Variants in PDGFRL observed in about 807,000 individuals in gnomAD.
PDGFRL encodes platelet-derived growth factor receptor-like protein.
Under a neutral mutation model 37.2 loss-of-function variants are expected in PDGFRL, and 46 were observed. That is an observed-to-expected ratio of 1.24 (90% CI 0.98 to 1.58). The LOEUF (loss-of-function observed/expected upper bound fraction) is 1.58. Ranked by LOEUF, PDGFRL falls within the 40% of genes most tolerant of loss-of-function variation. PDGFRL has a pLI of 0.00. For synonymous variants in PDGFRL, 251 were observed against 184.3 expected (o/e 1.36, Z -2.93); for missense variants, 692 against 467.6 (o/e 1.48, Z -4.43).
rs148177101 is a variant in PDGFRL at position 17,642,825 on chromosome 8, C to A, written c.*24C>A. 1 of 1,497,848 alleles carries A rather than the reference C, an allele frequency of 6.7e-7. No homozygotes were observed. The highest frequency in any genetic ancestry group is 1.7e-5 in the Admixed American group (1 of 58,554). 92.8% of individuals were successfully genotyped at this position (1,497,848 alleles called of 1,614,324 possible). On this transcript the variant is annotated 3_prime_UTR_variant, in exon 6 of 6. Coordinates refer to ENST00000251630, the MANE Select transcript of PDGFRL (RefSeq NM_001372073.1). ...GACTTGGAAAAGGAAATGTAATGAACTTATGGAAAGCCCATTTGTGTACAC... is the reference window on the plus strand; with the variant it reads ...GACTTGGAAAAGGAAATGTAATGAAATTATGGAAAGCCCATTTGTGTACAC...
chr8:17,580,013 A>G (rs6985221), intron 1 of PDGFRL, among the ~76,000 whole-genome samples: 42,277 of 152,076 alleles, frequency 0.28, 6,201 homozygotes, highest in Middle Eastern at 0.39. Flanking sequence ...AAAATCACAA[A>G]TATTTCCTGA....
intron 2 of PDGFRL, among the ~76,000 whole-genome samples, chr8:17,596,749 T>C (rs955310008): frequency 3.5e-5 from 5 of 143,558 alleles, no homozygotes; most frequent in African/African-American, 9.0e-5. Flanking sequence ...CAAAAACTTA[T>C]GAAACATTGT....
chr8:17,612,254 T>G (rs1804433949), intron 2 of PDGFRL, among the ~76,000 whole-genome samples: 1 of 152,260 alleles, frequency 6.6e-6, no homozygotes, highest in Non-Finnish European at 1.5e-5. Flanking sequence ...CCCTTGTGCT[T>G]ACGCATTTAT....
chr8:17,622,634 G>A (rs1339550809), intron 3 of PDGFRL, among the ~76,000 whole-genome samples: 1 of 152,152 alleles, frequency 6.6e-6, no homozygotes, highest in Non-Finnish European at 1.5e-5. Context: ...CCAAGTTCTT[G>A]TCTCATGCCA....
chr8:17,618,298 C>A (rs964259804), intron 2 of PDGFRL, among the ~76,000 whole-genome samples: 1 of 152,296 alleles, frequency 6.6e-6, no homozygotes, highest in African/African-American at 2.4e-5. Context: ...TCAAGCGATC[C>A]TCCTGCCTCA....
intron 1 of PDGFRL, among the ~76,000 whole-genome samples, chr8:17,585,700 C>G (rs990505537): frequency 2.0e-5 from 3 of 152,108 alleles, no homozygotes; most frequent in South Asian, 2.1e-4. Flanking sequence ...CCCAACAGCT[C>G]TAGCGCTTTG....
chr8:17,605,220 A>G (rs34316031), intron 2 of PDGFRL, among the ~76,000 whole-genome samples: 150,926 of 152,274 alleles, frequency 0.99, 74,807 homozygotes, highest in Middle Eastern at 1. Flanking sequence ...TGTGAGGGTT[A>G]GCCGTCCTCA....
chr8:17,616,111 T>C (rs1405152947), intron 2 of PDGFRL, among the ~76,000 whole-genome samples: 1 of 152,196 alleles, frequency 6.6e-6, no homozygotes, highest in African/African-American at 2.4e-5. Flanking sequence ...ATGGTGGAGC[T>C]GGGATTTGAA....
intron 2 of PDGFRL, among the ~76,000 whole-genome samples, chr8:17,606,202 A>G (rs1272586801): frequency 2.0e-5 from 3 of 151,832 alleles, no homozygotes; most frequent in East Asian, 1.9e-4. Context: ...AATAATTTAT[A>G]TTTTTCGAAA....
chr8:17,618,865 A>G (rs1212436271), intron 2 of PDGFRL, among the ~76,000 whole-genome samples: 1 of 152,008 alleles, frequency 6.6e-6, no homozygotes, highest in Non-Finnish European at 1.5e-5. Context: ...GGTAGAGAAC[A>G]AGGAAGTCAA....
At chr8:17,598,828 G>A (rs938919547) in intron 2 of PDGFRL, among the ~76,000 whole-genome samples, 11 of 152,076 alleles carry the variant, frequency 7.2e-5, no homozygotes, top group African/African-American at 2.7e-4. Context: ...TACGTCTCAC[G>A]AGATCACATG....
At chr8:17,600,557 G>A (rs1377338541) in intron 2 of PDGFRL, among the ~76,000 whole-genome samples, 1 of 151,922 alleles carries the variant, frequency 6.6e-6, no homozygotes, top group Admixed American at 6.6e-5. Flanking sequence ...CCTAGCAACA[G>A]GGGAGGCCAA....
intron 2 of PDGFRL, among the ~76,000 whole-genome samples, chr8:17,593,896 AAAAAG>A (rs1449955048): frequency 3.3e-5 from 5 of 151,736 alleles, no homozygotes; most frequent in Middle Eastern, 3.4e-3. Flanking sequence ...CTCAAAAAAA[AAAAAG>A]AAAAAAAAAG....
chr8:17,642,077 C>T (rs1805128257), intron 5 of PDGFRL, among the ~76,000 whole-genome samples: 1 of 152,092 alleles, frequency 6.6e-6, no homozygotes, highest in African/African-American at 2.4e-5. Context: ...TTATCTTACC[C>T]ATCCTTGGTA....
chr8:17,630,162 GTCTT>G (rs916519101), intron 4 of PDGFRL, among the ~76,000 whole-genome samples: 1 of 152,100 alleles, frequency 6.6e-6, no homozygotes, highest in African/African-American at 2.4e-5. Context: ...ATTTTGTCCC[GTCTT>G]TCTTCTGTTT....
At chr8:17,602,025 C>T (rs567760458) in intron 2 of PDGFRL, among the ~76,000 whole-genome samples, 2 of 152,226 alleles carry the variant, frequency 1.3e-5, no homozygotes, top group African/African-American at 4.8e-5. Flanking sequence ...CTAAGTTCTT[C>T]AAGAAATATC....
chr8:17,595,154 C>A (rs1180344914), intron 2 of PDGFRL, among the ~76,000 whole-genome samples: 3 of 152,120 alleles, frequency 2.0e-5, no homozygotes, highest in Admixed American at 6.5e-5. Flanking sequence ...GCCCCACATG[C>A]CCAGAGCAAG....
chr8:17,623,120 G>A (rs1349194302), intron 3 of PDGFRL, among the ~76,000 whole-genome samples: 2 of 152,196 alleles, frequency 1.3e-5, no homozygotes, highest in Non-Finnish European at 2.9e-5. Flanking sequence ...AATACTAGAA[G>A]TACTAATGCT....
intron 2 of PDGFRL, among the ~76,000 whole-genome samples, chr8:17,600,826 C>G (rs544283024): frequency 4.3e-5 from 4 of 93,124 alleles, no homozygotes; most frequent in African/African-American, 2.2e-4. Flanking sequence ...AAAAAAACCT[C>G]TAAAAATTAG....
Sources: allele counts gnomAD v4.1 joint callset (sites outside exome capture counted in the v4.1 genomes callset), GRCh38; gene constraint gnomAD v4.1.1; transcripts MANE v1.5; gene names NCBI Gene and HGNC (gene_info 2026-07-23, HGNC 2026-07-21).